The following MYLK variants were observed in gnomAD, a reference collection of about 807,000 sequenced individuals.
The protein encoded by MYLK is myosin light chain kinase.
A neutral mutation model predicts 203.4 loss-of-function variants in MYLK; 106 were observed. That is an observed-to-expected ratio of 0.52 (90% CI 0.45 to 0.61). MYLK has a LOEUF of 0.61. MYLK is among the 20% of genes least tolerant of loss of function. The pLI is 0.00. For synonymous variants in MYLK, 867 were observed against 959.5 expected (o/e 0.90, Z 1.78); for missense variants, 2,072 against 2,442.3 (o/e 0.85, Z 3.20).
intron 19 of MYLK, among the ~76,000 whole-genome samples, chr3:123,688,646 G>A (rs888466023): frequency 2.0e-5 from 3 of 151,906 alleles, no homozygotes; most frequent in Non-Finnish European, 4.4e-5. Flanking sequence ...TCTGGTCCAC[G>A]GTCCTCCTCA....
chr3:123,752,453 C>T lies in MYLK; in HGVS notation c.251G>A (p.Gly84Asp). The T allele has an allele frequency of 1.2e-6, 2 of 1,614,180 alleles. No homozygotes were observed. Among genetic ancestry groups the T allele is most frequent in the South Asian group, 1.1e-5 (1 of 91,078 alleles). Residue 84 changes from glycine to aspartate, a missense_variant, in exon 5 of 34, where the codon GGC becomes GAC. Coordinates refer to ENST00000360304, the MANE Select transcript of MYLK (RefSeq NM_053025.4). ...TSGGRFLLDC[G>D]IRGTFSLVIH... Reference sequence around the variant, plus strand: ...CACAAGGCTGAAAGTCCCCCGGATGCCGCAATCCAGCAGGAAGCGGCCCCC... The same window carrying T: ...CACAAGGCTGAAAGTCCCCCGGATGTCGCAATCCAGCAGGAAGCGGCCCCC...
chr3:123,686,820 A>T (rs2060474878), intron 19 of MYLK, among the ~76,000 whole-genome samples: 1 of 152,208 alleles, frequency 6.6e-6, no homozygotes, highest in Non-Finnish European at 1.5e-5. Context: ...GTATGCTCAG[A>T]TCAGGTTGAA....
intron 27 of MYLK, among the ~76,000 whole-genome samples, chr3:123,646,230 A>G (rs181725849): frequency 1.3e-5 from 2 of 152,134 alleles, no homozygotes; most frequent in South Asian, 2.1e-4. Context: ...GAATATATAT[A>G]TGTGTGTGTG....
At chr3:123,789,966 C>T (rs1008740379) in intron 4 of MYLK, among the ~76,000 whole-genome samples, 3 of 152,160 alleles carry the variant, frequency 2.0e-5, no homozygotes, top group South Asian at 4.1e-4. Flanking sequence ...ATGCATCTCG[C>T]GAGCTATTTA....
At position 123,843,362 on chromosome 3, in the gene MYLK, T is replaced by G. The variant is rs114370294; in HGVS notation, c.-126-11692A>C. Reference sequence around the variant, plus strand: ...ACCACATCTCACAGGTCTGTCTGGTTGTAAGGGCCCTTTCATCCTTCCTCT... The same window carrying G: ...ACCACATCTCACAGGTCTGTCTGGTGGTAAGGGCCCTTTCATCCTTCCTCT... On this transcript the variant is annotated intron_variant, in intron 2 of 33. Transcript: ENST00000360304. 3.0e-3 allele frequency among the ~76,000 whole-genome samples: 460 copies of G among 152,294 alleles called. 2 individuals are homozygous for G. Among genetic ancestry groups the G allele is most frequent in the African/African-American group, 0.01 (423 of 41,578 alleles).
At position 123,708,833 on chromosome 3, in the gene MYLK, A is replaced by C. The variant is rs755957947; in HGVS notation, c.2005T>G (p.Phe669Val). 2.8e-5 allele frequency: 45 copies of C among 1,614,044 alleles called. No homozygotes were observed. Among genetic ancestry groups the C allele is most frequent in the Admixed American group, 2.5e-4 (15 of 60,006 alleles). The part of the protein sequence containing the change: ...NGNEIQESED[F>V]HFEQRGTQHS... ...TGAGTTCCTCTCTGTTCAAAGTGGA[A>C]GTCCTCTGACTCTTGGATCTCATTC... Residue 669 changes from phenylalanine (F) to valine (V), a missense_variant, in exon 15 of 34, where the codon TTC becomes GTC. Around this residue, in one of 3 missense-constraint regions of MYLK, gnomAD observed 865 missense variants for 1,016.0 expected, o/e 0.85. Transcript: ENST00000360304.
chr3:123,860,437 T>G (rs1299662653), intron 2 of MYLK, among the ~76,000 whole-genome samples: 1 of 152,092 alleles, frequency 6.6e-6, no homozygotes, highest in Non-Finnish European at 1.5e-5. Flanking sequence ...ACCCAGAACC[T>G]GGAATAAAAT....
At chr3:123,826,456 G>A (rs1355546005) in intron 3 of MYLK, among the ~76,000 whole-genome samples, 1 of 152,240 alleles carries the variant, frequency 6.6e-6, no homozygotes, top group Admixed American at 6.5e-5. Flanking sequence ...CAACCATGCA[G>A]CTGTGTCACA....
At chr3:123,647,483 C>T in intron 26 of MYLK, 56 bp from the exon 27 acceptor site, 1 of 1,566,012 alleles carries the variant, frequency 6.4e-7, no homozygotes, top group South Asian at 1.1e-5. Flanking sequence ...TTTCCGCTAA[C>T]TTGGGGTTGG....
intron 13 of MYLK, among the ~76,000 whole-genome samples, chr3:123,718,459 C>CA (rs769533394): frequency 6.6e-6 from 1 of 152,214 alleles, no homozygotes; most frequent in Non-Finnish European, 1.5e-5. Context: ...TCCTCTCCTC[C>CA]AGAGGCCTGG....
At chr3:123,653,615 G>T (rs537678130) in intron 24 of MYLK, among the ~76,000 whole-genome samples, 1 of 152,160 alleles carries the variant, frequency 6.6e-6, no homozygotes, top group African/African-American at 2.4e-5. Context: ...AGGGTTCAGC[G>T]GGCTGATGGC....
intron 4 of MYLK, among the ~76,000 whole-genome samples, chr3:123,775,427 T>C (rs1416034483): frequency 1.3e-5 from 2 of 152,212 alleles, no homozygotes; most frequent in South Asian, 2.1e-4. Flanking sequence ...GCATTAATGC[T>C]TAGTGAGCAA....
intron 3 of MYLK, among the ~76,000 whole-genome samples, chr3:123,795,054 C>T (rs1379593932): frequency 6.6e-6 from 1 of 152,110 alleles, no homozygotes; most frequent in Non-Finnish European, 1.5e-5. Context: ...AAATGTGAAC[C>T]TGAAATAAAA....
intron 3 of MYLK, among the ~76,000 whole-genome samples, chr3:123,826,721 G>A (rs1455301308): frequency 6.6e-6 from 1 of 152,134 alleles, no homozygotes; most frequent in Non-Finnish European, 1.5e-5. Context: ...ACCTTAGAAA[G>A]AGCCCAGCAA....
rs930500452 is a variant in MYLK at position 123,610,499 on chromosome 3, A to T, written c.*3606T>A. On this transcript the variant is annotated 3_prime_UTR_variant, in exon 34 of 34. Transcript: ENST00000360304. ...ATTATGGAGAGGCTTGTACCAGCAC[A>T]TAAATGCTCTGGTCCCGAGGGTACA... 5.9e-5 allele frequency: 9 copies of T among 152,346 alleles called. No individual in the cohort carries two copies. The highest frequency in any genetic ancestry group is 2.2e-4 in the African/African-American group (9 of 41,576). 9.4% of individuals were successfully genotyped at this position (152,346 alleles called of 1,614,324 possible). A position where few individuals can be genotyped will look rare whatever the true frequency, so the allele number is the denominator to read the frequency against.
chr3:123,642,632 T>C lies in MYLK; in HGVS notation c.4620-2128A>G, dbSNP rs2058877406. On this transcript the variant is annotated intron_variant, in intron 27 of 33. Coordinates refer to ENST00000360304, the MANE Select transcript of MYLK (RefSeq NM_053025.4). The surrounding 1 kb of genome is among the most constrained non-coding windows in gnomAD (Gnocchi z 4.2). ...CTCTTGTCCTTATGCCCTCCATTTC[T>C]ATTGCTCTCTGCCAAGGCTCCAAGA... is the stretch of plus-strand genomic sequence containing the variant. 6.6e-6 allele frequency among the ~76,000 whole-genome samples: 1 copy of C among 152,242 alleles called. No homozygotes were observed. The highest frequency in any genetic ancestry group is 1.5e-5 in the Non-Finnish European group (1 of 68,044).
chr3:123,695,444 C>T (rs977153839), intron 18 of MYLK, among the ~76,000 whole-genome samples: 22 of 152,212 alleles, frequency 1.4e-4, no homozygotes, highest in African/African-American at 5.3e-4. Context: ...ATTTGTCATT[C>T]TGAGAAGGAT....
intron 4 of MYLK, among the ~76,000 whole-genome samples, chr3:123,770,308 G>A (rs149654738): frequency 2.0e-5 from 3 of 152,244 alleles, no homozygotes; most frequent in Non-Finnish European, 2.9e-5. Context: ...TGGGCAATAA[G>A]AGCAAAATGC....
At chr3:123,704,288 A>T (rs1029346163) in intron 16 of MYLK, among the ~76,000 whole-genome samples, 1 of 152,178 alleles carries the variant, frequency 6.6e-6, no homozygotes, top group Non-Finnish European at 1.5e-5. Flanking sequence ...TGCAGCCTAT[A>T]AAGTTCATAG....
Sources: gnomAD v4.1 joint callset for allele counts (sites outside exome capture counted in the v4.1 genomes callset) on GRCh38, gnomAD v4.1.1 for gene constraint, gnomAD v4.1.1 regional missense constraint, Gnocchi (gnomAD v3.1) non-coding constraint, MANE v1.5 for transcripts, NCBI Gene and HGNC (gene_info 2026-07-23, HGNC 2026-07-21) for gene names.